The following FNDC1 variants were observed in gnomAD, a reference collection of about 807,000 sequenced individuals.
The protein encoded by FNDC1 is fibronectin type III domain-containing protein 1.
In FNDC1, 96 loss-of-function variants were observed where a neutral mutation model predicts 168.0. That is an observed-to-expected ratio of 0.57 (90% confidence interval 0.48 to 0.68). FNDC1 has a LOEUF of 0.68. Among genes scored for constraint, FNDC1 ranks in the 30% least tolerant of loss-of-function variants. FNDC1 has a pLI of 0.00. For synonymous variants in FNDC1, 1,099 were observed against 1,025.9 expected (o/e 1.07, Z -1.36); for missense variants, 2,587 against 2,482.1 (o/e 1.04, Z -0.90).
In FNDC1 at chr6:159,221,685, G is replaced by C; in HGVS notation, c.755G>C (p.Arg252Pro). ...QPVYRAALTK[R>P]KISEEDELDV... The stretch of plus-strand genomic sequence containing the variant: ...GTCTACAGGGCTGCCCTAACAAAGC[G>C]AAAGATTTCAGGTATGTTTCTAAGG... Residue 252 changes from arginine to proline, a missense_variant, in exon 6 of 23, where the codon CGA becomes CCA. Arg to Pro is a moderately radical substitution (Grantham distance 103). Transcript: ENST00000297267. The C allele has an allele frequency of 6.2e-7, 1 of 1,613,566 alleles. No homozygotes were observed. Among genetic ancestry groups the C allele is most frequent in the Non-Finnish European group, 8.5e-7 (1 of 1,179,468 alleles).
intron 17 of FNDC1, among the ~76,000 whole-genome samples, chr6:159,253,661 T>C (rs1019212830): frequency 3.9e-5 from 6 of 152,268 alleles, no homozygotes; most frequent in Non-Finnish European, 5.9e-5. Context: ...ACCAACGTGA[T>C]GACCTCTTAG....
chr6:159,223,561 G>T lies in FNDC1; in HGVS notation c.800G>T (p.Ser267Ile). Residue 267 changes from serine to isoleucine, a missense_variant, in exon 7 of 23, where the codon AGC (serine) becomes ATC (isoleucine). Ser to Ile is a moderately radical substitution (Grantham distance 142, BLOSUM62 -2). Coordinates refer to ENST00000297267, the MANE Select transcript of FNDC1 (RefSeq NM_032532.3). ...EDELDVPDDI[S>I]VRVMSSQSVL... ...GAATTGGATGTACCTGACGACATCAGCGTCCGGGTTATGTCATCTCAGTCT... is the reference window on the plus strand; with the variant it reads ...GAATTGGATGTACCTGACGACATCATCGTCCGGGTTATGTCATCTCAGTCT... 1 of 1,613,590 alleles carries T rather than the reference G, an allele frequency of 6.2e-7. No homozygotes were observed. Among genetic ancestry groups the T allele is most frequent in the South Asian group, 1.1e-5 (1 of 91,036 alleles).
At chr6:159,230,173 C>T (rs486468) in intron 10 of FNDC1, among the ~76,000 whole-genome samples, 170 bp downstream of exon 10, 58,380 of 151,966 alleles carry the variant, frequency 0.38, 14,330 homozygotes, top group East Asian at 0.73. Flanking sequence ...AGAAATTAGT[C>T]TTCTCAAAGA....
In FNDC1 at chr6:159,225,650, G is replaced by T. The variant is rs909367776; in HGVS notation, c.1000G>T (p.Ala334Ser). Reference protein sequence around the residue: ...NLIPDTVYEFAVRISQGERDG... With the variant: ...NLIPDTVYEFSVRISQGERDG... ...GATTCCAGACACTGTGTATGAATTT[G>T]CAGTCCGTATTTCACAGGGTGAAAG... The change falls in exon 8 of 23, where the codon GCA (alanine) becomes TCA (serine). Residue 334 changes from alanine to serine, a missense_variant. Physicochemically the swap from Ala to Ser is moderately conservative, Grantham distance 99. Transcript: ENST00000297267. The T allele has an allele frequency of 1.9e-6, 3 of 1,613,822 alleles. No individual in the cohort carries two copies. Among genetic ancestry groups the T allele is most frequent in the Admixed American group, 3.3e-5 (2 of 60,004 alleles).
chr6:159,268,822 ATCT>A (rs1421545820), intron 22 of FNDC1, among the ~76,000 whole-genome samples: 1 of 3,158 alleles, frequency 3.2e-4, no homozygotes, highest in African/African-American at 4.9e-4. Flanking sequence ...CTATCTATTC[ATCT>A]ATCTATCTAT....
chr6:159,258,033 G>T (rs969142200), intron 18 of FNDC1, among the ~76,000 whole-genome samples: 8 of 151,550 alleles, frequency 5.3e-5, no homozygotes, highest in African/African-American at 1.9e-4. Flanking sequence ...CTGAATCACA[G>T]CCTCCTGACT....
chr6:159,253,438 G>A (rs1777312705), intron 17 of FNDC1, among the ~76,000 whole-genome samples: 1 of 152,138 alleles, frequency 6.6e-6, no homozygotes, highest in South Asian at 2.1e-4. Flanking sequence ...CCCCCTGCAG[G>A]GCATTTGAAT....
At chr6:159,206,742 G>C (rs892661673) in intron 4 of FNDC1, among the ~76,000 whole-genome samples, 2 of 151,854 alleles carry the variant, frequency 1.3e-5, no homozygotes, top group African/African-American at 4.8e-5. Context: ...GTGAGGGCCT[G>C]GGCCAAAAAA....
Position 159,232,907 on chromosome 6 carries a change from A to T in FNDC1, c.2395A>T (p.Arg799Trp). 6.2e-7 allele frequency: 1 copy of T among 1,612,120 alleles called. No individual in the cohort carries two copies. ...TGACGGCGATAGGGAAGACGGCGGA[A>T]GGCAGGCGGAGGCCACGGCCCAGAC... is the stretch of plus-strand genomic sequence containing the variant. ...HGDGDREDGG[R>W]QAEATAQTLR... Residue 799 changes from arginine to tryptophan, a missense_variant, in exon 11 of 23, where the codon AGG becomes TGG. Arg to Trp is a moderately radical substitution (Grantham distance 101, BLOSUM62 -3). Coordinates refer to ENST00000297267, the MANE Select transcript of FNDC1 (RefSeq NM_032532.3). The surrounding 1 kb of genome is among the most constrained non-coding windows in gnomAD (Gnocchi z 4.9).
intron 10 of FNDC1, among the ~76,000 whole-genome samples, 179 bp from the exon 11 acceptor site, chr6:159,231,702 GT>G (rs1335783551): frequency 6.6e-6 from 1 of 152,188 alleles, no homozygotes; most frequent in Non-Finnish European, 1.5e-5. Flanking sequence ...CAAAATATAA[GT>G]TTTAAAAAGA....
rs1325574552 is a variant in FNDC1, at chr6:159,239,869, C to T, written c.4533C>T (p.Thr1511=). ...CCACACCCACCACTCCCATCCCCAC[C>T]TGTCCCCCTGGGACCTTGGAACGGC... The part of the protein sequence containing the change: ...TTPTPTTPIP[T]CPPGTLERHD... Residue 1511 remains threonine (T), a synonymous_variant, in exon 14 of 23, where the codon ACC becomes ACT. Coordinates refer to ENST00000297267, the MANE Select transcript of FNDC1 (RefSeq NM_032532.3). 3.9e-6 allele frequency: 6 copies of T among 1,549,456 alleles called. No individual in the cohort carries two copies. Among genetic ancestry groups the T allele is most frequent in the Non-Finnish European group, 5.2e-6 (6 of 1,145,826 alleles).
In FNDC1 at chr6:159,233,176, C is replaced by G; in HGVS notation, c.2664C>G (p.Thr888=). Reference sequence around the variant, plus strand: ...AGGATGAGAAGCCGCTTCCTGCCACCGTTGTCAATGACCACGTGCCTTCCT... The same window carrying G: ...AGGATGAGAAGCCGCTTCCTGCCACGGTTGTCAATGACCACGTGCCTTCCT... ...DEEDEKPLPA[T]VVNDHVPSSS... The change falls in exon 11 of 23, where the codon ACC becomes ACG. Residue 888 remains threonine (T), a synonymous_variant. Coordinates refer to ENST00000297267, the MANE Select transcript of FNDC1 (RefSeq NM_032532.3). This position sits in a 1 kb window ranked among gnomAD's most constrained non-coding sequence, Gnocchi z 4.6. 1 of 1,610,306 alleles carries G rather than the reference C, an allele frequency of 6.2e-7. No individual in the cohort carries two copies. Among genetic ancestry groups the G allele is most frequent in the South Asian group, 1.1e-5 (1 of 90,102 alleles).
intron 1 of FNDC1, among the ~76,000 whole-genome samples, chr6:159,190,974 A>G (rs561596124): frequency 2.0e-5 from 3 of 152,336 alleles, no homozygotes; most frequent in East Asian, 3.9e-4. Context: ...TAATTGACTC[A>G]CGGTTCTTCA....
rs963809333 is a variant in FNDC1, at chr6:159,249,027, A to G, written c.4691-12A>G. The G allele has an allele frequency of 3.0e-5, 48 of 1,589,082 alleles. No individual in the cohort carries two copies. Among genetic ancestry groups the G allele is most frequent in the Non-Finnish European group, 3.8e-5 (44 of 1,167,670 alleles). ...GGCAGTGCCCAATTACAGAGCCTTC[A>G]TATCATTTCAGATTATGAATTTGAG... On this transcript the variant is annotated splice_polypyrimidine_tract_variant and intron_variant, in intron 15 of 22. Coordinates refer to ENST00000297267, the MANE Select transcript of FNDC1 (RefSeq NM_032532.3).
At chr6:159,250,294 T>C (rs1777227426) in intron 16 of FNDC1, among the ~76,000 whole-genome samples, 1 of 152,250 alleles carries the variant, frequency 6.6e-6, no homozygotes, top group Non-Finnish European at 1.5e-5. Context: ...CCAGGGACTC[T>C]GTATCTTTGT....
intron 1 of FNDC1, among the ~76,000 whole-genome samples, chr6:159,193,892 C>G (rs112465282): frequency 4.6e-5 from 7 of 152,296 alleles, no homozygotes; most frequent in African/African-American, 1.7e-4. Flanking sequence ...CCCATGGGAG[C>G]TATGGCACAG....
At chr6:159,266,660 A>G (rs1777599635) in intron 21 of FNDC1, among the ~76,000 whole-genome samples, 2 of 145,114 alleles carry the variant, frequency 1.4e-5, no homozygotes, top group Admixed American at 1.4e-4. Context: ...GTCATTCCAA[A>G]ATTCTATTAG....
chr6:159,227,212 A>T (rs1446941792), intron 9 of FNDC1, among the ~76,000 whole-genome samples: 1 of 152,232 alleles, frequency 6.6e-6, no homozygotes, highest in Non-Finnish European at 1.5e-5. Flanking sequence ...TTTTAATGTA[A>T]AAGCGTTTAA....
intron 12 of FNDC1, 87 bp downstream of exon 12, chr6:159,236,402 T>A: frequency 1.2e-6 from 1 of 865,852 alleles, no homozygotes; most frequent in Non-Finnish European, 1.9e-6. Context: ...ATAAATGAAG[T>A]GGTCTTTGTT....
Sources: gnomAD v4.1 joint callset for allele counts (sites outside exome capture counted in the v4.1 genomes callset) on GRCh38, gnomAD v4.1.1 for gene constraint, Gnocchi (gnomAD v3.1) non-coding constraint, MANE v1.5 for transcripts, NCBI Gene and HGNC (gene_info 2026-07-23, HGNC 2026-07-21) for gene names.